The following MIGA1 variants were observed in gnomAD, a reference collection of about 807,000 sequenced individuals.
MIGA1 encodes mitoguardin 1.
Under a neutral mutation model 82.0 loss-of-function variants are expected in MIGA1, and 58 were observed. The ratio of observed to expected loss-of-function variants is 0.71; its 90% CI spans 0.57 to 0.88. MIGA1 has a LOEUF of 0.88. Ranked by LOEUF, MIGA1 falls within the 40% of genes least tolerant of loss-of-function variation. The pLI is 0.00. For missense variants in MIGA1, 751 were observed against 749.1 expected (o/e 1.00, Z -0.03); for synonymous variants, 249 against 253.6 (o/e 0.98, Z 0.17).
At chr1:77,872,522 G>T (rs1315953259) in intron 14 of MIGA1, among the ~76,000 whole-genome samples, 2 of 152,114 alleles carry the variant, frequency 1.3e-5, no homozygotes, top group Non-Finnish European at 2.9e-5. Context: ...GATCACTCAA[G>T]CTTGGGAAGT....
At chr1:77,779,913 A>G (rs1342492515) in intron 1 of MIGA1, 177 bp downstream of exon 1, 1 of 1,393,920 alleles carries the variant, frequency 7.2e-7, no homozygotes, top group South Asian at 1.6e-5. Flanking sequence ...CGGCCGTGCC[A>G]CCCTGAACAC....
chr1:77,779,965 C>G, intron 1 of MIGA1: 3 of 1,333,720 alleles, frequency 2.2e-6, no homozygotes, highest in Non-Finnish European at 2.9e-6. Context: ...AGGGTCGGGC[C>G]TGGTTAGTAC....
chr1:77,839,792 G>A lies in MIGA1; in HGVS notation c.896-3515G>A, dbSNP rs576491939. Among the ~76,000 whole-genome samples, 10 of 152,188 alleles carry A rather than the reference G, an allele frequency of 6.6e-5. No individual in the cohort carries two copies. In the East Asian group the frequency reaches 1.7e-3, roughly 26 times the overall value. On this transcript the variant is annotated intron_variant, in intron 7 of 15. Transcript: ENST00000370791. ...GACCCTTGCTCTGTCACCCAGGCTG[G>A]AATACAGTGGTGCAATCTTGGCTCA...
chr1:77,843,082 G>C (rs1684686636), intron 7 of MIGA1, among the ~76,000 whole-genome samples: 1 of 152,134 alleles, frequency 6.6e-6, no homozygotes, highest in African/African-American at 2.4e-5. Flanking sequence ...AAAAAATTAA[G>C]CTTAATTCCT....
intron 5 of MIGA1, 151 bp from the exon 6 acceptor site, chr1:77,813,583 C>CT: frequency 3.6e-6 from 3 of 840,470 alleles, no homozygotes; most frequent in Non-Finnish European, 5.3e-6. Flanking sequence ...TATTGGGAAA[C>CT]TAAGATTCTG....
intron 12 of MIGA1, among the ~76,000 whole-genome samples, chr1:77,863,415 T>C (rs947014295): frequency 1.3e-5 from 2 of 152,222 alleles, no homozygotes; most frequent in Non-Finnish European, 1.5e-5. Flanking sequence ...CAGTTCATAA[T>C]TGGATATTTG....
chr1:77,842,049 C>T (rs975143106), intron 7 of MIGA1, among the ~76,000 whole-genome samples: 2 of 151,410 alleles, frequency 1.3e-5, no homozygotes, highest in East Asian at 1.9e-4. Flanking sequence ...TTCCAAAGCA[C>T]GGGGATGATT....
chr1:77,830,144 C>A (rs1684189486), intron 7 of MIGA1, among the ~76,000 whole-genome samples: 1 of 152,080 alleles, frequency 6.6e-6, no homozygotes, highest in Non-Finnish European at 1.5e-5. Flanking sequence ...ATGAAAAACT[C>A]TCTTGGGATT....
chr1:77,796,651 T>C (rs1416131588), intron 2 of MIGA1, among the ~76,000 whole-genome samples: 1 of 152,218 alleles, frequency 6.6e-6, no homozygotes, highest in Non-Finnish European at 1.5e-5. Context: ...ACTCTTTTTG[T>C]CTGTAGTCTT....
At chr1:77,808,131 T>TC (rs1491352207) in intron 5 of MIGA1, among the ~76,000 whole-genome samples, 1,796 of 122,404 alleles carry the variant, frequency 0.015, 24 homozygotes, top group African/African-American at 0.049. Context: ...CCTTTCTCTC[T>TC]TTTTTTTTTT....
intron 12 of MIGA1, among the ~76,000 whole-genome samples, 199 bp from the exon 13 acceptor site, chr1:77,863,695 A>G (rs1685555771): frequency 6.6e-6 from 1 of 152,166 alleles, no homozygotes; most frequent in South Asian, 2.1e-4. Context: ...TTCACTTGAG[A>G]TCTAGGAAGG....
intron 5 of MIGA1, chr1:77,811,863 C>T (rs1007017140): frequency 7.5e-5 from 109 of 1,457,668 alleles, no homozygotes; most frequent in Non-Finnish European, 8.7e-5. Context: ...GGCCTGGCCC[C>T]GACATTAACA....
chr1:77,822,993 C>T (rs965012010), intron 7 of MIGA1, among the ~76,000 whole-genome samples: 5 of 152,068 alleles, frequency 3.3e-5, no homozygotes, highest in Admixed American at 6.6e-5. Context: ...TAGGCGTGTG[C>T]CACCACGCCA....
intron 14 of MIGA1, among the ~76,000 whole-genome samples, chr1:77,872,779 G>A (rs1208012579): frequency 6.6e-6 from 1 of 152,176 alleles, no homozygotes; most frequent in Non-Finnish European, 1.5e-5. Flanking sequence ...CTAGTCATGA[G>A]CCCTGCACTA....
In MIGA1 at chr1:77,875,118, A is replaced by G. The variant is rs1191281563; in HGVS notation, c.*54A>G. 5 of 1,396,496 alleles carry G rather than the reference A, an allele frequency of 3.6e-6. No homozygotes were observed. Among genetic ancestry groups the G allele is most frequent in the Middle Eastern group, 1.9e-4 (1 of 5,274 alleles). The allele number at this position is 1,396,496 out of a possible 1,614,324, so 86.5% of individuals were successfully genotyped here. A position where few individuals can be genotyped will look rare whatever the true frequency, so the allele number is the denominator to read the frequency against. ...TGCTATGAAATATTTTAAGGTAACTATTGATTTTGTAACATATATTACAAA... is the reference window on the plus strand; with the variant it reads ...TGCTATGAAATATTTTAAGGTAACTGTTGATTTTGTAACATATATTACAAA... On this transcript the variant is annotated 3_prime_UTR_variant, in exon 16 of 16. Transcript: ENST00000370791.
chr1:77,841,069 A>T (rs1187821926), intron 7 of MIGA1, among the ~76,000 whole-genome samples: 1 of 152,124 alleles, frequency 6.6e-6, no homozygotes, highest in Non-Finnish European at 1.5e-5. Context: ...CCAAAATACC[A>T]GTTTGATAGC....
At chr1:77,849,951 C>T (rs1415336793) in intron 8 of MIGA1, among the ~76,000 whole-genome samples, 2 of 151,398 alleles carry the variant, frequency 1.3e-5, no homozygotes, top group Admixed American at 1.3e-4. Flanking sequence ...AGGAGAATCG[C>T]TTGAACCTGG....
At chr1:77,798,412 C>CA (rs1682746327) in intron 2 of MIGA1, among the ~76,000 whole-genome samples, 1 of 152,118 alleles carries the variant, frequency 6.6e-6, no homozygotes, top group Non-Finnish European at 1.5e-5. Flanking sequence ...GCTGGTGAGG[C>CA]CTCACAATTA....
At position 77,858,979 on chromosome 1, in the gene MIGA1, G is replaced by C; in HGVS notation, c.1038G>C (p.Glu346Asp). ...AAGTACGGCATACCTACAGCCTGGA[G>C]TCCCTTTGTCACTGCCCATTTTACG... The change falls in exon 9 of 16, where the codon GAG (glutamate) becomes GAC (aspartate). Residue 346 changes from glutamate to aspartate, a missense_variant. Physicochemically the swap from Glu to Asp is conservative, Grantham distance 45. This residue lies in a region of MIGA1 where 482 missense variants were observed against 439.4 expected (regional missense o/e 1.10). Coordinates refer to ENST00000370791, the MANE Select transcript of MIGA1 (RefSeq NM_198549.4). 1 of 1,613,972 alleles carries C rather than the reference G, an allele frequency of 6.2e-7. No individual in the cohort carries two copies. The highest frequency in any genetic ancestry group is 8.5e-7 in the Non-Finnish European group (1 of 1,179,882).
Sources: gnomAD v4.1 joint callset for allele counts (sites outside exome capture counted in the v4.1 genomes callset) on GRCh38, gnomAD v4.1.1 for gene constraint, gnomAD v4.1.1 regional missense constraint, MANE v1.5 for transcripts, NCBI Gene and HGNC (gene_info 2026-07-23, HGNC 2026-07-21) for gene names.